LRRC8C: variants seen among roughly 807,000 people sequenced by gnomAD.
LRRC8C encodes volume-regulated anion channel subunit LRRC8C.
Under a neutral mutation model 55.3 loss-of-function variants are expected in LRRC8C, and 20 were observed. The observed-to-expected ratio is 0.36, with a 90% CI of 0.25 to 0.53. The LOEUF is 0.53. LRRC8C is among the 20% of genes least tolerant of loss of function. The pLI, the probability that LRRC8C is intolerant of heterozygous loss-of-function variation, is 0.92. For synonymous variants in LRRC8C, 376 were observed against 360.7 expected (o/e 1.04, Z -0.48); for missense variants, 659 against 951.4 (o/e 0.69, Z 4.04).
intron 1 of LRRC8C, among the ~76,000 whole-genome samples, chr1:89,655,740 C>A (rs1479801252): frequency 6.6e-6 from 1 of 152,176 alleles, no homozygotes; most frequent in Admixed American, 6.5e-5. Flanking sequence ...GGGCAGAACC[C>A]TCAAGACCTA....
chr1:89,631,369 G>A (rs980394692), upstream of LRRC8C, among the ~76,000 whole-genome samples: 2 of 152,088 alleles, frequency 1.3e-5, no homozygotes, highest in East Asian at 3.9e-4. Context: ...CTTGACACTG[G>A]GTAGCAAGGG....
chr1:89,645,808 A>T (rs1283793028), intron 1 of LRRC8C, among the ~76,000 whole-genome samples: 1 of 152,270 alleles, frequency 6.6e-6, no homozygotes, highest in East Asian at 1.9e-4. Context: ...AAATAAAATA[A>T]GAAACTTCTA....
intron 2 of LRRC8C, among the ~76,000 whole-genome samples, chr1:89,693,810 C>T (rs779827745): frequency 1.3e-5 from 2 of 151,818 alleles, no homozygotes; most frequent in Non-Finnish European, 2.9e-5. Flanking sequence ...GCATGCACCA[C>T]CACACCCAGC....
At position 89,657,698 on chromosome 1, in the gene LRRC8C, G is replaced by A. The variant is rs190697204; in HGVS notation, c.-5+24376G>A. Among the ~76,000 whole-genome samples, 107 of 148,568 alleles carry A rather than the reference G, an allele frequency of 7.2e-4. 2 individuals carry two copies. Among genetic ancestry groups the A allele is most frequent in the Admixed American group, 1.1e-3 (17 of 14,850 alleles). On this transcript the variant is annotated intron_variant, in intron 1 of 2. Coordinates refer to ENST00000370454, the MANE Select transcript of LRRC8C (RefSeq NM_032270.5). ...AGAGGTTGCAGTGAGCTCAGATTGCGCCACTTACTTCAGCCTGGGTGACAG... is the reference window on the plus strand; with the variant it reads ...AGAGGTTGCAGTGAGCTCAGATTGCACCACTTACTTCAGCCTGGGTGACAG...
At chr1:89,676,031 A>G (rs1354828829) in intron 1 of LRRC8C, among the ~76,000 whole-genome samples, 2 of 152,138 alleles carry the variant, frequency 1.3e-5, no homozygotes, top group African/African-American at 2.4e-5. Flanking sequence ...ATTTAAATGT[A>G]CTTGAATTGT....
At chr1:89,661,251 A>G (rs536487183) in intron 1 of LRRC8C, 15 of 266,690 alleles carry the variant, frequency 5.6e-5, no homozygotes, top group Non-Finnish European at 1.1e-4. Flanking sequence ...GCTGTAATCC[A>G]CAATTACTGA....
At chr1:89,707,513 T>A (rs1203013859) in intron 2 of LRRC8C, among the ~76,000 whole-genome samples, 3 of 152,094 alleles carry the variant, frequency 2.0e-5, no homozygotes, top group Admixed American at 2.0e-4. Flanking sequence ...TCCCAGTTTC[T>A]GCTTCCATGG....
the LRRC8C span, among the ~76,000 whole-genome samples, chr1:89,616,348 A>C: frequency 6.6e-6 from 1 of 152,140 alleles, no homozygotes. Context: ...CTACAACTAG[A>C]CAGAGTTAAT....
At chr1:89,655,255 G>GT (rs1384322537) in intron 1 of LRRC8C, among the ~76,000 whole-genome samples, 5 of 151,472 alleles carry the variant, frequency 3.3e-5, no homozygotes, top group Non-Finnish European at 4.4e-5. Context: ...TAATTTCCAA[G>GT]TTCTTTTCGG....
chr1:89,615,925 C>G, the LRRC8C span, among the ~76,000 whole-genome samples: 1 of 152,120 alleles, frequency 6.6e-6, no homozygotes, highest in Admixed American at 6.5e-5. Context: ...TGGGAGCCCT[C>G]AGGAAATGAG....
At chr1:89,649,995 T>A (rs953693882) in intron 1 of LRRC8C, among the ~76,000 whole-genome samples, 13 of 152,222 alleles carry the variant, frequency 8.5e-5, no homozygotes, top group Non-Finnish European at 1.8e-4. Flanking sequence ...TGAGAAGCTC[T>A]CATTCTAGTA....
At chr1:89,633,580 C>G (rs1280048083) in intron 1 of LRRC8C, among the ~76,000 whole-genome samples, 5 of 152,216 alleles carry the variant, frequency 3.3e-5, no homozygotes, top group Non-Finnish European at 7.3e-5. Flanking sequence ...AGGATCTCAG[C>G]CTGGCGCCCA....
intron 1 of LRRC8C, among the ~76,000 whole-genome samples, chr1:89,675,119 A>C (rs562904261): frequency 6.6e-6 from 1 of 152,364 alleles, no homozygotes; most frequent in South Asian, 2.1e-4. Context: ...TTGAAAAACA[A>C]GCTACATTTC....
At chr1:89,677,403 A>T (rs901376673) in intron 1 of LRRC8C, among the ~76,000 whole-genome samples, 1 of 152,244 alleles carries the variant, frequency 6.6e-6, no homozygotes, top group Non-Finnish European at 1.5e-5. Flanking sequence ...CTTAAGAATC[A>T]TTTAAATGTG....
At chr1:89,641,566 T>TA in intron 1 of LRRC8C, among the ~76,000 whole-genome samples, 1 of 152,294 alleles carries the variant, frequency 6.6e-6, no homozygotes, top group South Asian at 2.1e-4. Flanking sequence ...CTTTTTTTTT[T>TA]AATAGTCTCT....
At chr1:89,665,001 CTT>C (rs1292696783) in intron 1 of LRRC8C, among the ~76,000 whole-genome samples, 1 of 152,176 alleles carries the variant, frequency 6.6e-6, no homozygotes, top group East Asian at 1.9e-4. Context: ...TATCCTGAGA[CTT>C]TGCTGAAGTT....
At position 89,718,566 on chromosome 1, in the gene LRRC8C, C is replaced by T. The variant is rs1363928079; in HGVS notation, c.*3584C>T. On this transcript the variant is annotated 3_prime_UTR_variant, in exon 3 of 3. Coordinates refer to ENST00000370454, the MANE Select transcript of LRRC8C (RefSeq NM_032270.5). ...TCATTCTTTAAGTAGTTTCTTTTAC[C>T]TCTAATCTAATTTCATACCAAATAC... 2 of 151,892 alleles carry T rather than the reference C, an allele frequency of 1.3e-5. No individual in the cohort carries two copies. Among genetic ancestry groups the T allele is most frequent in the African/African-American group, 4.8e-5 (2 of 41,354 alleles). The allele number at this position is 151,892 out of a possible 1,614,324, so 9.4% of individuals were successfully genotyped here.
intron 1 of LRRC8C, among the ~76,000 whole-genome samples, chr1:89,678,742 GT>G (rs34458997): frequency 0.58 from 87,055 of 150,662 alleles, 26,213 homozygotes; most frequent in South Asian, 0.74. Flanking sequence ...ATAAATGAGG[GT>G]TTTTTGACAG....
rs538670583 is a variant in LRRC8C, at chr1:89,690,249, G to A, written c.138+3638G>A. On this transcript the variant is annotated intron_variant, in intron 2 of 2. Coordinates refer to ENST00000370454, the MANE Select transcript of LRRC8C (RefSeq NM_032270.5). ...TTGGTAGGGAGACAGAAAGACAGGC[G>A]TCTGTGCCTTATGGCTTGTTGTTTC... Among the ~76,000 whole-genome samples, 18 of 152,240 alleles carry A rather than the reference G, an allele frequency of 1.2e-4. No individual in the cohort carries two copies. In the South Asian group the frequency reaches 2.1e-3, roughly 18 times the overall value.
Sources: allele counts gnomAD v4.1 joint callset (sites outside exome capture counted in the v4.1 genomes callset), GRCh38; gene constraint gnomAD v4.1.1; transcripts MANE v1.5; gene names NCBI Gene and HGNC (gene_info 2026-07-23, HGNC 2026-07-21).